The following TESMIN variants were observed in gnomAD, a reference collection of about 807,000 sequenced individuals.
TESMIN encodes the protein testis expressed metallothionein like protein.
In TESMIN, 34 loss-of-function variants were observed where a neutral mutation model predicts 47.4. The ratio of observed to expected loss-of-function variants is 0.72; its 90% CI spans 0.55 to 0.96. The LOEUF is 0.96. TESMIN is among the 40% of genes least tolerant of loss of function. The pLI is 0.00. For synonymous variants in TESMIN, 278 were observed against 258.9 expected (o/e 1.07, Z -0.71); for missense variants, 610 against 637.2 (o/e 0.96, Z 0.46).
chr11:68,737,368 G>A lies in TESMIN; in HGVS notation c.917+1332C>T, dbSNP rs558111282. On this transcript the variant is annotated intron_variant, in intron 6 of 9. Coordinates refer to ENST00000255087, the MANE Select transcript of TESMIN (RefSeq NM_004923.3). ...CAGAAACTGAAGCAGCGGTGCCCAGGAGCAACCAACGCCCTTCAGCGACCA... is the reference window on the plus strand; with the variant it reads ...CAGAAACTGAAGCAGCGGTGCCCAGAAGCAACCAACGCCCTTCAGCGACCA... The A allele has an allele frequency of 3.6e-5, 35 of 985,530 alleles. No individual in the cohort carries two copies. The South Asian group carries it at 1.3e-3, about 37-fold the overall frequency. 61.0% of individuals were successfully genotyped at this position (985,530 alleles called of 1,614,324 possible). A position where few individuals can be genotyped will look rare whatever the true frequency, so the allele number is the denominator to read the frequency against.
At chr11:68,741,334 G>C (rs1328050296) in intron 5 of TESMIN, among the ~76,000 whole-genome samples, 1 of 152,178 alleles carries the variant, frequency 6.6e-6, no homozygotes, top group East Asian at 1.9e-4. Context: ...ATGTTCCACA[G>C]CTTGCTTCAC....
rs1241624943 is a variant in TESMIN at position 68,750,437 on chromosome 11, C to A, written c.224G>T (p.Cys75Phe). The change falls in exon 2 of 10, where the codon TGC becomes TTC. Residue 75 changes from cysteine to phenylalanine, a missense_variant. Cys to Phe is a radical substitution (Grantham distance 205, BLOSUM62 -2). Coordinates refer to ENST00000255087, the MANE Select transcript of TESMIN (RefSeq NM_004923.3). ...HAFNPALGADCKGQVKAKLAG... is the reference protein window; with the variant it reads ...HAFNPALGADFKGQVKAKLAG... ...GAGCTTCGCCTTGACCTGGCCCTTG[C>A]AGTCGGCGCCCAGCGCGGGGTTGAA... 6.4e-7 allele frequency: 1 copy of A among 1,567,618 alleles called. No individual in the cohort carries two copies. The highest frequency in any genetic ancestry group is 1.8e-5 in the Admixed American group (1 of 54,872).
At chr11:68,728,132 C>T (rs1035766086) in intron 6 of TESMIN, among the ~76,000 whole-genome samples, 2 of 150,660 alleles carry the variant, frequency 1.3e-5, no homozygotes, top group East Asian at 1.9e-4. Flanking sequence ...AAGAGTCCCA[C>T]GTCTCTCACT....
intron 6 of TESMIN, among the ~76,000 whole-genome samples, chr11:68,726,941 T>TGG (rs1946271232): frequency 6.6e-6 from 1 of 151,282 alleles, no homozygotes; most frequent in South Asian, 2.1e-4. Context: ...AAAGCTGGCT[T>TGG]GTGATAGCAG....
chr11:68,705,134 C>T (rs1446153876), downstream of TESMIN, among the ~76,000 whole-genome samples: 1 of 152,182 alleles, frequency 6.6e-6, no homozygotes, highest in Non-Finnish European at 1.5e-5. Context: ...ACCGCACAGC[C>T]GGCCCCATGC....
At chr11:68,716,026 G>A (rs953543370) in intron 6 of TESMIN, 87 bp from the exon 7 acceptor site, 17 of 876,050 alleles carry the variant, frequency 1.9e-5, no homozygotes, top group African/African-American at 5.0e-5. Flanking sequence ...AGGAAAGAGC[G>A]GGCAGTGTGC....
chr11:68,713,911 G>C (rs1257512385), intron 7 of TESMIN, among the ~76,000 whole-genome samples: 1 of 152,030 alleles, frequency 6.6e-6, no homozygotes, highest in Non-Finnish European at 1.5e-5. Flanking sequence ...CCCAGGCACC[G>C]AGAGGTTAAA....
intron 6 of TESMIN, among the ~76,000 whole-genome samples, chr11:68,721,053 C>T (rs1946197731): frequency 1.1e-5 from 1 of 91,588 alleles, no homozygotes; most frequent in Non-Finnish European, 2.5e-5. Flanking sequence ...ATAAAGATAA[C>T]ATCTTTCTTT....
intron 3 of TESMIN, among the ~76,000 whole-genome samples, chr11:68,746,599 TC>T (rs1271940202): frequency 6.6e-6 from 1 of 152,152 alleles, no homozygotes; most frequent in Non-Finnish European, 1.5e-5. Flanking sequence ...GGCGACACTC[TC>T]CCCATTCCTA....
chr11:68,722,326 G>T lies in TESMIN; in HGVS notation c.918-6387C>A, dbSNP rs550149116. Among the ~76,000 whole-genome samples the T allele has an allele frequency of 2.0e-5, 3 of 152,224 alleles. No homozygotes were observed. In the South Asian group the frequency reaches 6.2e-4, roughly 32 times the overall value. On this transcript the variant is annotated intron_variant, in intron 6 of 9. Coordinates refer to ENST00000255087, the MANE Select transcript of TESMIN (RefSeq NM_004923.3). ...CTGTTTGGGATGATGAAAAAGTTCTGGAAAAATTCAGTGATGGTGGTTGCG... is the reference window on the plus strand; with the variant it reads ...CTGTTTGGGATGATGAAAAAGTTCTTGAAAAATTCAGTGATGGTGGTTGCG...
intron 6 of TESMIN, among the ~76,000 whole-genome samples, chr11:68,731,024 T>G (rs2153991708): frequency 6.6e-6 from 1 of 152,162 alleles, no homozygotes; most frequent in African/African-American, 2.4e-5. Context: ...CTAAAAAGGG[T>G]AGTTCCAGCT....
At position 68,715,880 on chromosome 11, in the gene TESMIN, C is replaced by T. The variant is rs1946131621; in HGVS notation, c.977G>A (p.Cys326Tyr). 3 of 1,613,332 alleles carry T rather than the reference C, an allele frequency of 1.9e-6. No individual in the cohort carries two copies. Among genetic ancestry groups the T allele is most frequent in the Non-Finnish European group, 2.5e-6 (3 of 1,179,450 alleles). The change falls in exon 7 of 10, where the codon TGC becomes TAC. Residue 326 changes from cysteine to tyrosine, a missense_variant. Cys to Tyr is a radical substitution (Grantham distance 194). Coordinates refer to ENST00000255087, the MANE Select transcript of TESMIN (RefSeq NM_004923.3). Reference protein sequence around the residue: ...FCNNCNCNNCCNNLHHDIERF... With the variant: ...FCNNCNCNNCYNNLHHDIERF... ...TTCAATATCATGATGCAAGTTGTTG[C>T]AACAATTATTACAATTGCAGTTGTT...
intron 6 of TESMIN, among the ~76,000 whole-genome samples, chr11:68,718,939 T>C (rs1240166330): frequency 6.6e-6 from 1 of 152,206 alleles, no homozygotes; most frequent in Non-Finnish European, 1.5e-5. Flanking sequence ...TCTGAAGAAA[T>C]TACATCCCAT....
chr11:68,743,768 G>A (rs1946487033), intron 4 of TESMIN, among the ~76,000 whole-genome samples: 1 of 152,112 alleles, frequency 6.6e-6, no homozygotes, highest in African/African-American at 2.4e-5. Flanking sequence ...TTCTCCTCCA[G>A]GCCTAGGCAT....
At position 68,707,684 on chromosome 11, in the gene TESMIN, G is replaced by T; in HGVS notation, c.*624C>A. On this transcript the variant is annotated 3_prime_UTR_variant, in exon 10 of 10. Transcript: ENST00000255087. ...GTCCTCTAACTCAAGACATGCTGGT[G>T]CAAGCCTGGCCTGCGAGGCCCCATT... 2.8e-6 allele frequency: 1 copy of T among 362,622 alleles called. No individual in the cohort carries two copies. The allele number at this position is 362,622 out of a possible 1,614,324, so 22.5% of individuals were successfully genotyped here.
chr11:68,739,221 T>G (rs928162590), intron 5 of TESMIN, among the ~76,000 whole-genome samples: 3 of 152,264 alleles, frequency 2.0e-5, no homozygotes, highest in Non-Finnish European at 4.4e-5. Context: ...TGATTTTTCA[T>G]GTATTCAAAA....
chr11:68,708,819 C>G (rs570448340), intron 9 of TESMIN, among the ~76,000 whole-genome samples: 88 of 150,982 alleles, frequency 5.8e-4, no homozygotes, highest in African/African-American at 2.1e-3. Context: ...ATGGCACGAT[C>G]TCGGCTCACT....
At chr11:68,707,036 C>A (rs950949987), downstream of TESMIN, among the ~76,000 whole-genome samples, 1 of 152,210 alleles carries the variant, frequency 6.6e-6, no homozygotes, top group African/African-American at 2.4e-5. Flanking sequence ...GTGGGGTGTA[C>A]GGCTGGCTGA....
chr11:68,744,979 T>C lies in TESMIN; in HGVS notation c.751+12A>G. 1 of 1,534,714 alleles carries C rather than the reference T, an allele frequency of 6.5e-7. No homozygotes were observed. Among genetic ancestry groups the C allele is most frequent in the Non-Finnish European group, 8.7e-7 (1 of 1,146,274 alleles). On this transcript the variant is annotated intron_variant, in intron 4 of 9. Coordinates refer to ENST00000255087, the MANE Select transcript of TESMIN (RefSeq NM_004923.3). Reference sequence around the variant, plus strand: ...TATATGACATAGTTTTTTTTATTAATTAACTTTGTACCTGACTGTAGATAA... The same window carrying C: ...TATATGACATAGTTTTTTTTATTAACTAACTTTGTACCTGACTGTAGATAA...
Sources: gnomAD v4.1 joint callset for allele counts (sites outside exome capture counted in the v4.1 genomes callset) on GRCh38, gnomAD v4.1.1 for gene constraint, MANE v1.5 for transcripts, NCBI Gene and HGNC (gene_info 2026-07-23, HGNC 2026-07-21) for gene names.